Variants in APOBEC1 observed in about 807,000 individuals in gnomAD.
APOBEC1 encodes the protein C->U-editing enzyme APOBEC-1.
A neutral mutation model predicts 26.3 loss-of-function variants in APOBEC1; 22 were observed. The observed-to-expected ratio is 0.84, with a 90% CI of 0.60 to 1.19. The LOEUF is 1.19. APOBEC1 is among the 50% of genes most tolerant of loss of function. The probability of loss-of-function intolerance (pLI) is 0.00; values close to 1 mark genes in which losing one functional copy is unlikely to be tolerated. For synonymous variants in APOBEC1, 77 were observed against 95.3 expected, an observed-to-expected ratio of 0.81 and a Z score of 1.12; for missense variants, 253 against 289.0, an observed-to-expected ratio of 0.88 and a Z score of 0.90.
intron 1 of APOBEC1, among the ~76,000 whole-genome samples, chr12:7,660,410 A>AAGAAAGAAAGAAAGAAAG (rs111744018): frequency 0.023 from 1,896 of 81,714 alleles, 100 homozygotes; most frequent in South Asian, 0.031. Flanking sequence ...GAAAGAAAGA[A>AAGAAAGAAAGAAAGAAAG]AGAGAGGGTA....
chr12:7,665,083 C>T (rs1863874596), intron 1 of APOBEC1, among the ~76,000 whole-genome samples: 1 of 152,106 alleles, frequency 6.6e-6, no homozygotes, highest in Non-Finnish European at 1.5e-5. Context: ...TAGGTCTACA[C>T]TTCTCTTAGA....
upstream of APOBEC1, among the ~76,000 whole-genome samples, chr12:7,667,075 C>A (rs1806839): frequency 0.38 from 57,612 of 151,632 alleles, 12,410 homozygotes; most frequent in Non-Finnish European, 0.5. Context: ...CCACACCAGG[C>A]TAATTTTTAT....
chr12:7,657,577 T>A (rs1305995908), intron 1 of APOBEC1, among the ~76,000 whole-genome samples: 1 of 150,214 alleles, frequency 6.7e-6, no homozygotes, highest in African/African-American at 2.4e-5. Flanking sequence ...AAAACAAAAT[T>A]AAAAAACAAA....
intron 1 of APOBEC1, among the ~76,000 whole-genome samples, chr12:7,665,591 C>T (rs1227487388): frequency 6.6e-6 from 1 of 152,070 alleles, no homozygotes; most frequent in Non-Finnish European, 1.5e-5. Context: ...AGCCACAGCG[C>T]CTGGCTACTT....
chr12:7,669,234 T>C (rs1592066176), upstream of APOBEC1, among the ~76,000 whole-genome samples: 2 of 152,014 alleles, frequency 1.3e-5, no homozygotes, highest in East Asian at 1.9e-4. Flanking sequence ...TATACAACTT[T>C]TTGTATTTTT....
chr12:7,662,279 T>A (rs1042825021), intron 1 of APOBEC1, among the ~76,000 whole-genome samples: 8 of 149,656 alleles, frequency 5.3e-5, no homozygotes, highest in South Asian at 2.1e-4. Context: ...ATAAAAAAAA[T>A]TTAAAAATTT....
chr12:7,666,250 A>G (rs1435566350), upstream of APOBEC1, among the ~76,000 whole-genome samples: 1 of 151,228 alleles, frequency 6.6e-6, no homozygotes, highest in Non-Finnish European at 1.5e-5. Flanking sequence ...TGTTTTATTT[A>G]TTTATTTTTC....
chr12:7,660,706 A>AC (rs1863805541), intron 1 of APOBEC1, among the ~76,000 whole-genome samples: 1 of 151,348 alleles, frequency 6.6e-6, no homozygotes, highest in Non-Finnish European at 1.5e-5. Context: ...CCATCTAAAA[A>AC]AAAAAAAAAA....
At chr12:7,663,478 G>C (rs1863848071) in intron 1 of APOBEC1, among the ~76,000 whole-genome samples, 1 of 152,078 alleles carries the variant, frequency 6.6e-6, no homozygotes, top group Admixed American at 6.6e-5. Flanking sequence ...AGGAGGAAGG[G>C]GGTGGCTGGC....
At chr12:7,669,097 T>C (rs1205214152), upstream of APOBEC1, among the ~76,000 whole-genome samples, 1 of 152,222 alleles carries the variant, frequency 6.6e-6, no homozygotes, top group East Asian at 1.9e-4. Flanking sequence ...AATACTGCTC[T>C]TTCTGTCTCT....
At chr12:7,655,777 C>G (rs1014358020) in intron 1 of APOBEC1, among the ~76,000 whole-genome samples, 1 of 151,954 alleles carries the variant, frequency 6.6e-6, no homozygotes, top group South Asian at 2.1e-4. Context: ...TCTCTTGAAG[C>G]CAGAAATTTG....
chr12:7,655,700 A>G (rs1362131891), intron 1 of APOBEC1, among the ~76,000 whole-genome samples: 1 of 152,086 alleles, frequency 6.6e-6, no homozygotes, highest in Non-Finnish European at 1.5e-5. Flanking sequence ...GATTTTATAT[A>G]TATAGAGAGA....
chr12:7,664,476 T>TA (rs1419163310), intron 1 of APOBEC1, among the ~76,000 whole-genome samples: 2 of 152,256 alleles, frequency 1.3e-5, no homozygotes, highest in Non-Finnish European at 2.9e-5. Flanking sequence ...TTTCTGGTCT[T>TA]ACTGCAAATT....
intron 1 of APOBEC1, among the ~76,000 whole-genome samples, chr12:7,663,670 A>T (rs1457801240): frequency 1.3e-5 from 2 of 152,154 alleles, no homozygotes; most frequent in African/African-American, 4.8e-5. Flanking sequence ...GGACGGTGAG[A>T]CATATGCTGT....
chr12:7,651,097 C>CTTAA lies in APOBEC1; in HGVS notation c.486_487insTTAA (p.Asp163LeufsTer3). The CTTAA allele has an allele frequency of 3.7e-6, 6 of 1,614,106 alleles. No homozygotes were observed. In the South Asian group the frequency reaches 6.6e-5, roughly 18 times the overall value. The stretch of plus-strand genomic sequence containing the variant: ...GGGTATTGTGGCCAGTGAGCTTCAT[C>CTTAA]CCCAGGTGGGTAGTTGACAAAATTC... On this transcript the variant is annotated frameshift_variant, in exon 4 of 5. Transcript: ENST00000229304. LOFTEE classifies it high-confidence loss of function.
intron 2 of APOBEC1, among the ~76,000 whole-genome samples, chr12:7,653,337 AT>A (rs199594727): frequency 1.3e-5 from 2 of 151,516 alleles, no homozygotes; most frequent in African/African-American, 4.8e-5. Context: ...GAATTATCAG[AT>A]TTTTTTTTCT....
chr12:7,651,486 C>T (rs1252774647), intron 3 of APOBEC1, among the ~76,000 whole-genome samples: 1 of 151,512 alleles, frequency 6.6e-6, no homozygotes, highest in Non-Finnish European at 1.5e-5. Context: ...TGGTGGTGGG[C>T]GCCTGTAGTC....
chr12:7,661,365 A>G (rs1029032481), intron 1 of APOBEC1, among the ~76,000 whole-genome samples: 1 of 152,106 alleles, frequency 6.6e-6, no homozygotes, highest in Non-Finnish European at 1.5e-5. Flanking sequence ...GCATCACACA[A>G]TATATACCCT....
In APOBEC1 at chr12:7,651,109, A is replaced by G. The variant is rs754353926; in HGVS notation, c.475T>C (p.Tyr159His). 1.2e-6 allele frequency: 2 copies of G among 1,614,058 alleles called. No individual in the cohort carries two copies. The highest frequency in any genetic ancestry group is 2.2e-5 in the South Asian group (2 of 91,080). ...CAGTGAGCTTCATCCCCAGGTGGGTAGTTGACAAAATTCCTCCAGCAGTGA... is the reference window on the plus strand; with the variant it reads ...CAGTGAGCTTCATCCCCAGGTGGGTGGTTGACAAAATTCCTCCAGCAGTGA... ...YYHCWRNFVN[Y>H]PPGDEAHWPQ... Residue 159 changes from tyrosine (Y) to histidine (H), a missense_variant, in exon 4 of 5, where the codon TAC (tyrosine) becomes CAC (histidine). Tyr to His is a moderately conservative substitution (Grantham distance 83, BLOSUM62 2). Transcript: ENST00000229304.
Sources: allele counts gnomAD v4.1 joint callset (sites outside exome capture counted in the v4.1 genomes callset), GRCh38; gene constraint gnomAD v4.1.1; transcripts MANE v1.5; gene names NCBI Gene and HGNC (gene_info 2026-07-23, HGNC 2026-07-21).